The following CENPB variants were observed in gnomAD, a reference collection of about 807,000 sequenced individuals.
CENPB encodes the protein centromere protein B.
CENPB carries 19 observed loss-of-function variants against 41.9 expected under a neutral mutation model. The ratio of observed to expected loss-of-function variants is 0.45; its 90% CI spans 0.32 to 0.67. The LOEUF is 0.67. CENPB is among the 30% of genes least tolerant of loss of function. CENPB has a pLI of 0.04. For missense variants in CENPB, 614 were observed against 816.2 expected (o/e 0.75, Z 3.02); for synonymous variants, 399 against 354.4 (o/e 1.13, Z -1.41).
Position 3,786,540 on chromosome 20 carries a change from G to C in CENPB, c.-57C>G. 1.2e-5 allele frequency: 6 copies of C among 505,868 alleles called. No homozygotes were observed. The highest frequency in any genetic ancestry group is 1.5e-5 in the Non-Finnish European group (6 of 395,676). 31.3% of individuals were successfully genotyped at this position (505,868 alleles called of 1,614,324 possible). On this transcript the variant is annotated 5_prime_UTR_variant, in exon 1 of 1. Transcript: ENST00000379751. ...CCGCCGCCGCCGCCCCGGGGCGGGG[G>C]GCCCGGGCCCGTGGCGGGGGGCACC... is the stretch of plus-strand genomic sequence containing the variant.
Position 3,786,561 on chromosome 20 carries a change from G to T in CENPB, c.-78C>A, listed in dbSNP as rs1284892601. 14 of 343,588 alleles carry T rather than the reference G, an allele frequency of 4.1e-5. No individual in the cohort carries two copies. Among genetic ancestry groups the T allele is most frequent in the Non-Finnish European group, 3.6e-5 (9 of 247,972 alleles). 21.3% of individuals were successfully genotyped at this position (343,588 alleles called of 1,614,324 possible). A position where few individuals can be genotyped will look rare whatever the true frequency, so the allele number is the denominator to read the frequency against. On this transcript the variant is annotated 5_prime_UTR_variant, in exon 1 of 1. Transcript: ENST00000379751. ...GGGGGGCCCGGGCCCGTGGCGGGGG[G>T]CACCTGGCGGCCTCTCCCGCGCGCC...
rs1368366384 is a variant in CENPB, at chr20:3,785,675, G to A, written c.809C>T (p.Thr270Ile). 2 of 1,609,414 alleles carry A rather than the reference G, an allele frequency of 1.2e-6. No homozygotes were observed. Among genetic ancestry groups the A allele is most frequent in the Non-Finnish European group, 1.7e-6 (2 of 1,178,064 alleles). Reference protein sequence around the residue: ...DYTANSKGGVTTQALAKYLKA... With the variant: ...DYTANSKGGVITQALAKYLKA... Reference sequence around the variant, plus strand: ...CAAGTACTTGGCCAGGGCCTGGGTGGTGACACCACCCTTGGAGTTGGCGGT... The same window carrying A: ...CAAGTACTTGGCCAGGGCCTGGGTGATGACACCACCCTTGGAGTTGGCGGT... The change falls in exon 1 of 1, where the codon ACC becomes ATC. Residue 270 changes from threonine to isoleucine, a missense_variant. Thr to Ile is a moderately conservative substitution (Grantham distance 89, BLOSUM62 -1). This residue lies in a region of CENPB where 537 missense variants were observed against 629.4 expected (regional missense o/e 0.85). Transcript: ENST00000379751.
chr20:3,786,277 G>C lies in CENPB; in HGVS notation c.207C>G (p.Asn69Lys). 1 of 1,608,214 alleles carries C rather than the reference G, an allele frequency of 6.2e-7. No individual in the cohort carries two copies. Among genetic ancestry groups the C allele is most frequent in the Non-Finnish European group, 8.5e-7 (1 of 1,179,582 alleles). ...CGAGCTTGTCGTAGGGAGACAGCTT[G>C]TTGGTCTTGCGGCAGGTGGAGGCCA... ...YGVASTCRKTNKLSPYDKLEG... is the reference protein window; with the variant it reads ...YGVASTCRKTKKLSPYDKLEG... Residue 69 changes from asparagine to lysine, a missense_variant, in exon 1 of 1, where the codon AAC becomes AAG. Transcript: ENST00000379751.
Position 3,786,331 on chromosome 20 carries a change from G to T in CENPB, c.153C>A (p.Ala51=), listed in dbSNP as rs2146641870. The T allele has an allele frequency of 1.2e-6, 2 of 1,607,392 alleles. No homozygotes were observed. The highest frequency in any genetic ancestry group is 1.7e-6 in the Non-Finnish European group (2 of 1,179,798). The stretch of plus-strand genomic sequence containing the variant: ...CGTACTTGCGCTCCGACGCCAGGAT[G>T]GCGCGCTTGTTCTTCAGGATCGTGC... ...TLSTILKNKR[A]ILASERKYGV... The change falls in exon 1 of 1, where the codon GCC becomes GCA. Residue 51 remains alanine (A), a synonymous_variant. Transcript: ENST00000379751.
At position 3,785,392 on chromosome 20, in the gene CENPB, G is replaced by A. The variant is rs758272542; in HGVS notation, c.1092C>T (p.Ala364=). 1.2e-6 allele frequency: 2 copies of A among 1,602,028 alleles called. No homozygotes were observed. The highest frequency in any genetic ancestry group is 1.7e-5 in the Admixed American group (1 of 58,564). ...PSGLQLGLTE[A]LHFVAAAWQA... The stretch of plus-strand genomic sequence containing the variant: ...GCCAGGCGGCAGCCACAAAGTGCAG[G>A]GCCTCCGTGAGACCCAGCTGCAGGC... The change falls in exon 1 of 1, where the codon GCC becomes GCT. Residue 364 remains alanine, a synonymous_variant. Coordinates refer to ENST00000379751, the MANE Select transcript of CENPB (RefSeq NM_001810.6).
rs562991696 is a variant in CENPB at position 3,784,521 on chromosome 20, G to C, written c.*163C>G. ...AGGCAGTGAGGCTGACCTCAGCCCC[G>C]GGCCCGGCCGAGGTGACCGGGCCTG... On this transcript the variant is annotated 3_prime_UTR_variant, in exon 1 of 1. Transcript: ENST00000379751. The surrounding 1 kb of genome is among the most constrained non-coding windows in gnomAD (Gnocchi z 5.2). 4.6e-4 allele frequency: 345 copies of C among 756,576 alleles called. 1 individual carries two copies. Among genetic ancestry groups the C allele is most frequent in the Non-Finnish European group, 9.9e-5 (46 of 465,696 alleles). The allele number at this position is 756,576 out of a possible 1,614,324, so 46.9% of individuals were successfully genotyped here. A position where few individuals can be genotyped will look rare whatever the true frequency, so the allele number is the denominator to read the frequency against.
rs751590543 is a variant in CENPB, at chr20:3,785,972, C to T, written c.512G>A (p.Gly171Asp). The T allele has an allele frequency of 4.5e-6, 7 of 1,539,188 alleles. No individual in the cohort carries two copies. Among genetic ancestry groups the T allele is most frequent in the Admixed American group, 1.9e-5 (1 of 51,930 alleles). The change falls in exon 1 of 1, where the codon GGT (glycine) becomes GAT (aspartate). Residue 171 changes from glycine (G) to aspartate (D), a missense_variant. Coordinates refer to ENST00000379751, the MANE Select transcript of CENPB (RefSeq NM_001810.6). ...CGGCTGCTCCTCCCGAGCGCGCCAACCAGTAGTGCTCCCGCCACTGCCCTC... is the reference window on the plus strand; with the variant it reads ...CGGCTGCTCCTCCCGAGCGCGCCAATCAGTAGTGCTCCCGCCACTGCCCTC... ...PSEGSGGSTT[G>D]WRAREEQPPS...
At position 3,785,614 on chromosome 20, in the gene CENPB, G is replaced by A. The variant is rs771252959; in HGVS notation, c.870C>T (p.Arg290=). The A allele has an allele frequency of 4.4e-6, 7 of 1,602,824 alleles. No individual in the cohort carries two copies. In the East Asian group the frequency reaches 6.8e-5, roughly 15 times the overall value. The change falls in exon 1 of 1, where the codon CGC becomes CGT. Residue 290 remains arginine, a synonymous_variant. Transcript: ENST00000379751. The part of the protein sequence containing the change: ...ALDTRMAAES[R]RVLLLAGRLA... ...AGCGGCCGGCCAACAGCAGGACCCGGCGAGACTCTGCAGCCATTCGGGTGT... is the reference window on the plus strand; with the variant it reads ...AGCGGCCGGCCAACAGCAGGACCCGACGAGACTCTGCAGCCATTCGGGTGT...
In CENPB at chr20:3,786,265, G is replaced by A; in HGVS notation, c.219C>T (p.Pro73=). Residue 73 remains proline (P), a synonymous_variant, in exon 1 of 1, where the codon CCC becomes CCT. Transcript: ENST00000379751. Reference sequence around the variant, plus strand: ...TGAGCAAGCCCTCGAGCTTGTCGTAGGGAGACAGCTTGTTGGTCTTGCGGC... The same window carrying A: ...TGAGCAAGCCCTCGAGCTTGTCGTAAGGAGACAGCTTGTTGGTCTTGCGGC... ...STCRKTNKLS[P]YDKLEGLLIA... is the part of the protein sequence containing the mutation. 2.5e-6 allele frequency: 4 copies of A among 1,607,142 alleles called. No individual in the cohort carries two copies. Among genetic ancestry groups the A allele is most frequent in the South Asian group, 1.1e-5 (1 of 91,074 alleles).
In CENPB at chr20:3,785,321, C is replaced by T; in HGVS notation, c.1163G>A (p.Gly388Asp). The T allele has an allele frequency of 6.2e-7, 1 of 1,600,550 alleles. No individual in the cohort carries two copies. Among genetic ancestry groups the T allele is most frequent in the Middle Eastern group, 1.7e-4 (1 of 6,046 alleles). ...SDIAACFREA[G>D]FGGGPNATIT... ...GGTGGCATTAGGGCCACCCCCAAAG[C>T]CAGCCTCACGAAAGCAGGCGGCTAT... The change falls in exon 1 of 1, where the codon GGC becomes GAC. Residue 388 changes from glycine to aspartate, a missense_variant. By Grantham distance (94) the Gly-to-Asp change is moderately conservative. Coordinates refer to ENST00000379751, the MANE Select transcript of CENPB (RefSeq NM_001810.6).
At position 3,784,765 on chromosome 20, in the gene CENPB, G is replaced by A; in HGVS notation, c.1719C>T (p.His573=). The change falls in exon 1 of 1, where the codon CAC becomes CAT. Residue 573 remains histidine, a synonymous_variant. Transcript: ENST00000379751. The surrounding 1 kb of genome is among the most constrained non-coding windows in gnomAD (Gnocchi z 5.2). ...IDDRVQSHIL[H]LEHDLVHVTR... is the part of the protein sequence containing the mutation. The stretch of plus-strand genomic sequence containing the variant: ...TCACATGAACCAGATCGTGTTCCAA[G>A]TGGAGGATGTGGCTCTGCACGCGGT... 6.2e-7 allele frequency: 1 copy of A among 1,614,162 alleles called. No homozygotes were observed.
In CENPB at chr20:3,785,527, G is replaced by A. The variant is rs1568495065; in HGVS notation, c.957C>T (p.Pro319=). The part of the protein sequence containing the change: ...LRHVQLAFFP[P]GTVHPLERGV... ...CCCTCTCCAGCGGATGCACGGTGCC[G>A]GGAGGGAAGAAGGCCAGCTGCACAT... The change falls in exon 1 of 1, where the codon CCC becomes CCT. Residue 319 remains proline (P), a synonymous_variant. Transcript: ENST00000379751. 5 of 1,597,908 alleles carry A rather than the reference G, an allele frequency of 3.1e-6. No homozygotes were observed. Among genetic ancestry groups the A allele is most frequent in the East Asian group, 2.3e-5 (1 of 44,016 alleles).
rs2088802383 is a variant in CENPB at position 3,784,808 on chromosome 20, G to A, written c.1676C>T (p.Thr559Ile). 1.2e-6 allele frequency: 2 copies of A among 1,614,110 alleles called. No homozygotes were observed. The highest frequency in any genetic ancestry group is 1.7e-6 in the Non-Finnish European group (2 of 1,180,008). The change falls in exon 1 of 1, where the codon ACC (threonine) becomes ATC (isoleucine). Residue 559 changes from threonine to isoleucine, a missense_variant. Physicochemically the swap from Thr to Ile is moderately conservative, Grantham distance 89. Coordinates refer to ENST00000379751, the MANE Select transcript of CENPB (RefSeq NM_001810.6). The surrounding 1 kb of genome is among the most constrained non-coding windows in gnomAD (Gnocchi z 5.2). ...CACGCGGTCATCAATGGGGAAGGAGGTCAGGTACCTCTTGACCATGGCAAA... is the reference window on the plus strand; with the variant it reads ...CACGCGGTCATCAATGGGGAAGGAGATCAGGTACCTCTTGACCATGGCAAA... ...AYFAMVKRYL[T>I]SFPIDDRVQS...
At position 3,786,484 on chromosome 20, in the gene CENPB, C is replaced by A. The variant is rs778974557; in HGVS notation, c.-1G>T. 3 of 1,284,246 alleles carry A rather than the reference C, an allele frequency of 2.3e-6. 1 individual carries two copies. The highest frequency in any genetic ancestry group is 3.1e-6 in the Non-Finnish European group (3 of 978,986). The allele number at this position is 1,284,246 out of a possible 1,614,324, so 79.6% of individuals were successfully genotyped here. On this transcript the variant is annotated 5_prime_UTR_variant, in exon 1 of 1. Coordinates refer to ENST00000379751, the MANE Select transcript of CENPB (RefSeq NM_001810.6). ...TCAGCTGTCGCCTCTTGGGGCCCAT[C>A]CCGGCGCGCCCCCCGCCCCGGGGCC... is the stretch of plus-strand genomic sequence containing the variant.
chr20:3,785,166 C>T lies in CENPB; in HGVS notation c.1318G>A (p.Glu440Lys), dbSNP rs2088807964. Residue 440 changes from glutamate (E) to lysine (K), a missense_variant, in exon 1 of 1, where the codon GAG (glutamate) becomes AAG (lysine). This residue lies in a region of CENPB where 537 missense variants were observed against 629.4 expected (regional missense o/e 0.85). Coordinates refer to ENST00000379751, the MANE Select transcript of CENPB (RefSeq NM_001810.6). ...ACCTCCTCTTCCTCCCCCAATTCCTCTCCTTCCCCCCCTTCCTCCTCCTCC... is the reference window on the plus strand; with the variant it reads ...ACCTCCTCTTCCTCCCCCAATTCCTTTCCTTCCCCCCCTTCCTCCTCCTCC... ...EEEEEEGGEGEELGEEEEVEE... is the reference protein window; with the variant it reads ...EEEEEEGGEGKELGEEEEVEE... 2 of 1,174,478 alleles carry T rather than the reference C, an allele frequency of 1.7e-6. No individual in the cohort carries two copies. The highest frequency in any genetic ancestry group is 2.3e-6 in the Non-Finnish European group (2 of 864,182). 72.8% of individuals were successfully genotyped at this position (1,174,478 alleles called of 1,614,324 possible). A position where few individuals can be genotyped will look rare whatever the true frequency, so the allele number is the denominator to read the frequency against.
chr20:3,786,520 G>A lies in CENPB; in HGVS notation c.-37C>T, dbSNP rs749883315. ...CCCCGCCCCGGGGCCCGGCGCCGCC[G>A]CCGCCGCCCCGGGGCGGGGGGCCCG... On this transcript the variant is annotated 5_prime_UTR_variant, in exon 1 of 1. Transcript: ENST00000379751. 19 of 741,774 alleles carry A rather than the reference G, an allele frequency of 2.6e-5. No individual in the cohort carries two copies. The African/African-American group carries it at 3.8e-4, about 15-fold the overall frequency. The allele number at this position is 741,774 out of a possible 1,614,324, so 45.9% of individuals were successfully genotyped here.
Position 3,785,952 on chromosome 20 carries a change from G to GCTC in CENPB, c.529_531dup (p.Glu177dup). The GCTC allele has an allele frequency of 6.3e-7, 1 of 1,588,736 alleles. No individual in the cohort carries two copies. Among genetic ancestry groups the GCTC allele is most frequent in the Non-Finnish European group, 8.5e-7 (1 of 1,172,902 alleles). On this transcript the variant is annotated inframe_insertion, in exon 1 of 1. Transcript: ENST00000379751. ...TAGCCCTCGGCCACCGACGGCGGCT[G>GCTC]CTCCTCCCGAGCGCGCCAACCAGTA...
rs1254014886 is a variant in CENPB at position 3,786,584 on chromosome 20, G to T, written c.-101C>A. ...GGGCACCTGGCGGCCTCTCCCGCGCGCCCCGCCCGAGACAAAGCGGCTCGC... is the reference window on the plus strand; with the variant it reads ...GGGCACCTGGCGGCCTCTCCCGCGCTCCCCGCCCGAGACAAAGCGGCTCGC... On this transcript the variant is annotated 5_prime_UTR_variant, in exon 1 of 1. Transcript: ENST00000379751. 3.9e-6 allele frequency: 1 copy of T among 254,754 alleles called. No individual in the cohort carries two copies. The highest frequency in any genetic ancestry group is 6.0e-6 in the Non-Finnish European group (1 of 166,972). 15.8% of individuals were successfully genotyped at this position (254,754 alleles called of 1,614,324 possible).
rs2088799783 is a variant in CENPB, at chr20:3,784,404, A to T, written c.*280T>A. On this transcript the variant is annotated 3_prime_UTR_variant, in exon 1 of 1. Coordinates refer to ENST00000379751, the MANE Select transcript of CENPB (RefSeq NM_001810.6). This position sits in a 1 kb window ranked among gnomAD's most constrained non-coding sequence, Gnocchi z 5.2. Reference sequence around the variant, plus strand: ...TAGTCCACTGAGGGCACGGTGTGGTAGCACCGGACAGCTCCCCACCCGCCC... The same window carrying T: ...TAGTCCACTGAGGGCACGGTGTGGTTGCACCGGACAGCTCCCCACCCGCCC... 2.2e-4 allele frequency: 95 copies of T among 430,484 alleles called. 2 individuals carry two copies. Among genetic ancestry groups the T allele is most frequent in the South Asian group, 2.1e-3 (92 of 43,750 alleles). 26.7% of individuals were successfully genotyped at this position (430,484 alleles called of 1,614,324 possible). A position where few individuals can be genotyped will look rare whatever the true frequency, so the allele number is the denominator to read the frequency against.
Sources: allele counts gnomAD v4.1 joint callset, GRCh38; gene constraint gnomAD v4.1.1; regional missense constraint gnomAD v4.1.1; non-coding constraint Gnocchi (gnomAD v3.1); transcripts MANE v1.5; gene names NCBI Gene and HGNC (gene_info 2026-07-23, HGNC 2026-07-21).